DST: variants seen among roughly 807,000 people sequenced by gnomAD.
The protein encoded by DST is bullous pemphigoid antigen.
In DST, 253 loss-of-function variants were observed where a neutral mutation model predicts 875.2. The ratio of observed to expected loss-of-function variants is 0.29; its 90% CI spans 0.26 to 0.32. The LOEUF (loss-of-function observed/expected upper bound fraction) is 0.32, where lower values mean the gene tolerates loss of function less well. Ranked by LOEUF, DST falls within the 10% of genes least tolerant of loss-of-function variation. DST has a pLI of 1.00. For missense variants in DST, 8,287 were observed against 9,111.6 expected (o/e 0.91, Z 3.68); for synonymous variants, 3,124 against 3,197.1 (o/e 0.98, Z 0.77).
At position 56,463,158 on chromosome 6, in the gene DST, T is replaced by G. The variant is rs1312420010; in HGVS notation, c.22960-2A>C. 2.5e-6 allele frequency: 4 copies of G among 1,575,558 alleles called. No homozygotes were observed. Among genetic ancestry groups the G allele is most frequent in the Non-Finnish European group, 3.5e-6 (4 of 1,145,286 alleles). On this transcript the variant is annotated splice_acceptor_variant, in intron 101 of 103. Coordinates refer to ENST00000680361, the MANE Select transcript of DST (RefSeq NM_001374736.1). LOFTEE classifies it high-confidence loss of function. ...ATTGCGTGTTAAAGGATGGAGAATC[T>G]GTATGGAACAATGGCAAATCAAATG...
chr6:56,824,118 C>T (rs2099776417), intron 4 of DST, among the ~76,000 whole-genome samples: 2 of 152,188 alleles, frequency 1.3e-5, no homozygotes. Flanking sequence ...GCCTGATTCT[C>T]CTGCCTCAGC....
At chr6:56,743,892 G>A (rs1004277999) in intron 4 of DST, among the ~76,000 whole-genome samples, 1 of 152,050 alleles carries the variant, frequency 6.6e-6, no homozygotes, top group African/African-American at 2.4e-5. Context: ...GATGGCTCAC[G>A]CCTGTAATCC....
chr6:56,493,715 ATTAT>A (rs2095825781), intron 83 of DST, among the ~76,000 whole-genome samples: 1 of 152,102 alleles, frequency 6.6e-6, no homozygotes, highest in South Asian at 2.1e-4. Flanking sequence ...AATAGAATTA[ATTAT>A]TTAATGACCC....
chr6:56,695,684 C>T (rs1220270219), intron 9 of DST, among the ~76,000 whole-genome samples: 2 of 152,148 alleles, frequency 1.3e-5, no homozygotes, highest in Non-Finnish European at 2.9e-5. Context: ...GAACAATATA[C>T]TTCATTACCT....
At position 56,486,287 on chromosome 6, in the gene DST, C is replaced by T. The variant is rs181347733; in HGVS notation, c.21048-816G>A. Among the ~76,000 whole-genome samples the T allele has an allele frequency of 3.4e-3, 469 of 139,680 alleles. 1 individual carries two copies. The highest frequency in any genetic ancestry group is 0.016 in the Middle Eastern group (4 of 246). The allele number at this position is 139,680 out of a possible 152,430, so 91.6% of individuals were successfully genotyped here. ...CTGAGGCAGGAGAATGGCGTGAACC[C>T]GGGAGGCAGAGCTCGCAGTGAGCCG... On this transcript the variant is annotated intron_variant, in intron 87 of 103. Coordinates refer to ENST00000680361, the MANE Select transcript of DST (RefSeq NM_001374736.1).
chr6:56,619,697 T>C lies in DST; in HGVS notation c.4929+4833A>G, dbSNP rs747365882. On this transcript the variant is annotated intron_variant, in intron 36 of 103. Coordinates refer to ENST00000680361, the MANE Select transcript of DST (RefSeq NM_001374736.1). Reference sequence around the variant, plus strand: ...TTCTTCAGCTTTACCTGTGGTTTGATTCAATTGCCTACCAAGCTCTCTGAG... The same window carrying C: ...TTCTTCAGCTTTACCTGTGGTTTGACTCAATTGCCTACCAAGCTCTCTGAG... 16 of 1,613,934 alleles carry C rather than the reference T, an allele frequency of 9.9e-6. No individual in the cohort carries two copies. Among genetic ancestry groups the C allele is most frequent in the Admixed American group, 3.3e-5 (2 of 60,000 alleles).
At chr6:56,699,120 C>T (rs2099279187) in intron 9 of DST, among the ~76,000 whole-genome samples, 1 of 152,212 alleles carries the variant, frequency 6.6e-6, no homozygotes, top group Admixed American at 6.5e-5. Context: ...TCAATTGGCT[C>T]AGGTTTATTA....
At chr6:56,879,069 G>A (rs965493418) in intron 3 of DST, among the ~76,000 whole-genome samples, 2 of 152,116 alleles carry the variant, frequency 1.3e-5, no homozygotes, top group East Asian at 1.9e-4. Flanking sequence ...CTTTGCACTC[G>A]AATCAATAAA....
chr6:56,613,124 T>TCC (rs1366940310), intron 37 of DST, among the ~76,000 whole-genome samples: 1 of 152,202 alleles, frequency 6.6e-6, no homozygotes, highest in African/African-American at 2.4e-5. Flanking sequence ...TCCCAAGGAA[T>TCC]CTTTGTTAAG....
chr6:56,801,713 A>G (rs571913310), intron 4 of DST, among the ~76,000 whole-genome samples: 2 of 152,010 alleles, frequency 1.3e-5, no homozygotes, highest in Admixed American at 1.3e-4. Context: ...AATGTATTTA[A>G]TGTTCTAATC....
At chr6:56,919,043 G>A (rs1562401940) in intron 2 of DST, among the ~76,000 whole-genome samples, 1 of 151,504 alleles carries the variant, frequency 6.6e-6, no homozygotes, top group East Asian at 1.9e-4. Flanking sequence ...CTGTTCACAT[G>A]CTTTGCTCAT....
At position 56,564,581 on chromosome 6, in the gene DST, T is replaced by C. The variant is rs555235264; in HGVS notation, c.14006-2381A>G. The stretch of plus-strand genomic sequence containing the variant: ...TCCTTTATTACTTTCTCTTACCTGA[T>C]TGCCTGGTCAGAACTTCCAATACTA... On this transcript the variant is annotated intron_variant, in intron 55 of 103. Transcript: ENST00000680361. 3.3e-5 allele frequency among the ~76,000 whole-genome samples: 5 copies of C among 152,312 alleles called. No homozygotes were observed. The South Asian group carries it at 6.2e-4, about 19-fold the overall frequency.
chr6:56,745,091 C>T (rs2099568666), intron 4 of DST, among the ~76,000 whole-genome samples: 1 of 152,084 alleles, frequency 6.6e-6, no homozygotes, highest in South Asian at 2.1e-4. Flanking sequence ...GCCCCTCCAC[C>T]CTACTTTTGT....
chr6:56,539,406 G>C lies in DST; in HGVS notation c.16609-2466C>G, dbSNP rs562022650. Among the ~76,000 whole-genome samples, 9 of 152,230 alleles carry C rather than the reference G, an allele frequency of 5.9e-5. No homozygotes were observed. The South Asian group carries it at 1.7e-3, about 28-fold the overall frequency. ...CCATTTACTGCATGTCTAAGAAAAA[G>C]GCATAACTAACAAGAACAATTATTT... On this transcript the variant is annotated intron_variant, in intron 61 of 103. Transcript: ENST00000680361.
chr6:56,618,466 A>C, intron 36 of DST: 7 of 1,614,160 alleles, frequency 4.3e-6, no homozygotes, highest in Non-Finnish European at 5.9e-6. Flanking sequence ...ATTGATGTTC[A>C]TGCTCTTTGA....
chr6:56,605,176 T>C lies in DST; in HGVS notation c.9452A>G (p.Asp3151Gly). ...CGATGTAATGTCTGAAGTAATGTCA[T>C]CACTAATCTCTTTGGAAACTGATGT... ...FDTSVSKEIS[D>G]DITSDITSWE... The change falls in exon 40 of 104, where the codon GAT becomes GGT. Residue 3151 changes from aspartate (D) to glycine (G), a missense_variant. Physicochemically the swap from Asp to Gly is moderately conservative, Grantham distance 94. Around this residue, in one of 10 missense-constraint regions of DST, gnomAD observed 3,138 missense variants for 3,116.6 expected, o/e 1.01. Transcript: ENST00000680361. The C allele has an allele frequency of 1.2e-6, 2 of 1,612,238 alleles. No homozygotes were observed. The highest frequency in any genetic ancestry group is 1.7e-6 in the Non-Finnish European group (2 of 1,179,044).
chr6:56,906,976 T>G (rs1347987784), intron 2 of DST, among the ~76,000 whole-genome samples: 3 of 152,210 alleles, frequency 2.0e-5, no homozygotes, highest in Non-Finnish European at 4.4e-5. Flanking sequence ...CATACATAGT[T>G]ACACCAAGAT....
In DST at chr6:56,471,041, C is replaced by G. The variant is rs2094865600; in HGVS notation, c.22321+65G>C. The G allele has an allele frequency of 8.7e-6, 13 of 1,494,906 alleles. 1 individual carries two copies. In the South Asian group the frequency reaches 1.6e-4, roughly 19 times the overall value. 92.6% of individuals were successfully genotyped at this position (1,494,906 alleles called of 1,614,324 possible). On this transcript the variant is annotated intron_variant, in intron 95 of 103. Transcript: ENST00000680361. ...GTAACACAAGTTTACCAGACCCACACTTTTAAAATGTGCTTATTTCCTTTA... is the reference window on the plus strand; with the variant it reads ...GTAACACAAGTTTACCAGACCCACAGTTTTAAAATGTGCTTATTTCCTTTA...
chr6:56,491,666 T>G (rs574772211), intron 85 of DST, among the ~76,000 whole-genome samples: 1 of 152,144 alleles, frequency 6.6e-6, no homozygotes, highest in Non-Finnish European at 1.5e-5. Flanking sequence ...GGAGCTCTAT[T>G]ATCTGCTCAA....
Sources: gnomAD v4.1 joint callset for allele counts (sites outside exome capture counted in the v4.1 genomes callset) on GRCh38, gnomAD v4.1.1 for gene constraint, gnomAD v4.1.1 regional missense constraint, MANE v1.5 for transcripts, NCBI Gene and HGNC (gene_info 2026-07-23, HGNC 2026-07-21) for gene names.